Variants in PRRG4 observed in about 807,000 individuals in gnomAD.
PRRG4 encodes transmembrane gamma-carboxyglutamic acid protein 4.
Under a neutral mutation model 20.0 loss-of-function variants are expected in PRRG4, and 12 were observed. The ratio of observed to expected loss-of-function variants is 0.60; its 90% CI spans 0.38 to 0.97. The LOEUF (loss-of-function observed/expected upper bound fraction) is 0.97. PRRG4 is among the 50% of genes least tolerant of loss of function. The pLI, the probability that PRRG4 is intolerant of heterozygous loss-of-function variation, is 0.00. For missense variants in PRRG4, 199 were observed against 265.1 expected (o/e 0.75, Z 1.73); for synonymous variants, 94 against 96.4 (o/e 0.98, Z 0.15).
chr11:32,831,379 T>A (rs1217474098), intron 2 of PRRG4, among the ~76,000 whole-genome samples: 1 of 152,204 alleles, frequency 6.6e-6, no homozygotes, highest in African/African-American at 2.4e-5. Context: ...CTGTCTCTTA[T>A]CCCTTCTCAT....
At position 32,830,728 on chromosome 11, in the gene PRRG4, G is replaced by A. The variant is rs1000378397; in HGVS notation, c.103+96G>A. On this transcript the variant is annotated intron_variant, in intron 2 of 5. Coordinates refer to ENST00000257836, the MANE Select transcript of PRRG4 (RefSeq NM_024081.6). ...AAATTACATACCCCCAGCAATCATA[G>A]AAACACTAAAATATCCTTTAGTTTA... is the stretch of plus-strand genomic sequence containing the variant. 23 of 1,570,066 alleles carry A rather than the reference G, an allele frequency of 1.5e-5. No individual in the cohort carries two copies. The Middle Eastern group carries it at 5.4e-4, about 37-fold the overall frequency.
chr11:32,838,867 T>A lies in PRRG4; in HGVS notation c.268-15T>A. ...AAGATATTGAATAAACTTGGGAATT[T>A]TACCTTTTTTTTAGATTGCATTTTG... On this transcript the variant is annotated splice_polypyrimidine_tract_variant and intron_variant, in intron 3 of 5. Transcript: ENST00000257836. 6.3e-7 allele frequency: 1 copy of A among 1,597,078 alleles called. No homozygotes were observed. The highest frequency in any genetic ancestry group is 8.6e-7 in the Non-Finnish European group (1 of 1,164,730).
At chr11:32,833,168 C>T (rs1468015390) in intron 2 of PRRG4, among the ~76,000 whole-genome samples, 2 of 152,192 alleles carry the variant, frequency 1.3e-5, no homozygotes, top group Non-Finnish European at 1.5e-5. Context: ...AAAATTTGAT[C>T]TGGCACCAAA....
chr11:32,856,562 TTTTG>T lies in PRRG4; in HGVS notation c.*3041_*3044del, dbSNP rs1435515646. 1 of 152,258 alleles carries T rather than the reference TTTTG, an allele frequency of 6.6e-6. No individual in the cohort carries two copies. Among genetic ancestry groups the T allele is most frequent in the African/African-American group, 2.4e-5 (1 of 41,478 alleles). The allele number at this position is 152,258 out of a possible 1,614,324, so 9.4% of individuals were successfully genotyped here. On this transcript the variant is annotated 3_prime_UTR_variant, in exon 6 of 6. Transcript: ENST00000257836. ...GATTTAGTTTTGTTTGGTTTATCTGTTTTGTTTGTGTTTTGTCTCCTGGCAATTG... is the reference window on the plus strand; with the variant it reads ...GATTTAGTTTTGTTTGGTTTATCTGTTTTGTGTTTTGTCTCCTGGCAATTG...
intron 5 of PRRG4, among the ~76,000 whole-genome samples, chr11:32,852,040 A>G (rs1851187832): frequency 6.6e-6 from 1 of 152,214 alleles, no homozygotes. Flanking sequence ...CCCCAGGCCC[A>G]TGTTGCATTT....
At chr11:32,842,550 G>A (rs374055147) in intron 5 of PRRG4, among the ~76,000 whole-genome samples, 3 of 151,894 alleles carry the variant, frequency 2.0e-5, no homozygotes, top group African/African-American at 7.2e-5. Context: ...GAGAAACCCC[G>A]TCTCTACTAA....
intron 2 of PRRG4, among the ~76,000 whole-genome samples, chr11:32,835,704 A>T (rs932068280): frequency 6.6e-6 from 1 of 152,234 alleles, no homozygotes; most frequent in African/African-American, 2.4e-5. Flanking sequence ...TCTTTAGTTA[A>T]ATCTTATAAT....
At chr11:32,833,076 TCAATTAAAAG>T (rs1282806831) in intron 2 of PRRG4, among the ~76,000 whole-genome samples, 1 of 152,110 alleles carries the variant, frequency 6.6e-6, no homozygotes. Flanking sequence ...TTGCTTCCTT[TCAATTAAAAG>T]CAAGTTCAGG....
rs954993647 is a variant in PRRG4 at position 32,838,862 on chromosome 11, G to A, written c.268-20G>A. On this transcript the variant is annotated intron_variant, in intron 3 of 5. Transcript: ENST00000257836. ...TAATAAAGATATTGAATAAACTTGG[G>A]AATTTTACCTTTTTTTTAGATTGCA... 5 of 1,587,526 alleles carry A rather than the reference G, an allele frequency of 3.1e-6. No individual in the cohort carries two copies. The highest frequency in any genetic ancestry group is 3.5e-6 in the Non-Finnish European group (4 of 1,156,164).
chr11:32,841,858 A>G (rs1197333076), intron 5 of PRRG4, among the ~76,000 whole-genome samples: 1 of 152,186 alleles, frequency 6.6e-6, no homozygotes, highest in African/African-American at 2.4e-5. Flanking sequence ...GATAATAGTA[A>G]TGAACCAATG....
intron 3 of PRRG4, 141 bp downstream of exon 3, chr11:32,836,962 T>C: frequency 1.5e-6 from 1 of 646,178 alleles, no homozygotes; most frequent in Non-Finnish European, 2.6e-6. Context: ...CTTAAAATGG[T>C]AATTAACCTA....
At chr11:32,832,659 T>C (rs1850984716) in intron 2 of PRRG4, among the ~76,000 whole-genome samples, 1 of 152,008 alleles carries the variant, frequency 6.6e-6, no homozygotes, top group African/African-American at 2.4e-5. Flanking sequence ...TATTTTGTAT[T>C]TTTAGTAGAG....
At chr11:32,852,847 C>T (rs1851194959) in intron 5 of PRRG4, among the ~76,000 whole-genome samples, 1 of 149,992 alleles carries the variant, frequency 6.7e-6, no homozygotes, top group African/African-American at 2.5e-5. Flanking sequence ...GATCTCAGCT[C>T]ACTGCAACCT....
At chr11:32,849,058 A>G (rs1158515396) in intron 5 of PRRG4, among the ~76,000 whole-genome samples, 6 of 151,918 alleles carry the variant, frequency 3.9e-5, no homozygotes, top group African/African-American at 1.5e-4. Context: ...GAGGGTAGGT[A>G]AGTTCTCTAA....
At chr11:32,852,625 G>T (rs543760814) in intron 5 of PRRG4, among the ~76,000 whole-genome samples, 1 of 152,186 alleles carries the variant, frequency 6.6e-6, no homozygotes, top group East Asian at 1.9e-4. Context: ...ACCAGACACT[G>T]CTAGAAGCTT....
At chr11:32,841,053 C>T (rs1851072572) in intron 5 of PRRG4, among the ~76,000 whole-genome samples, 3 of 147,858 alleles carry the variant, frequency 2.0e-5, no homozygotes, top group South Asian at 4.3e-4. Flanking sequence ...GCTGAGTAGG[C>T]GTAGAAACAA....
At chr11:32,853,172 A>G in intron 5 of PRRG4, 124 bp from the exon 6 acceptor site, 1 of 689,772 alleles carries the variant, frequency 1.4e-6, no homozygotes, top group Middle Eastern at 3.0e-4. Context: ...GGGGTAAAAT[A>G]AAACTGTTAT....
rs1469319605 is a variant in PRRG4, at chr11:32,840,390, C to CA, written c.449+152dup. The CA allele has an allele frequency of 1.8e-6, 1 of 564,532 alleles. No homozygotes were observed. The highest frequency in any genetic ancestry group is 1.9e-5 in the African/African-American group (1 of 53,042). 35.0% of individuals were successfully genotyped at this position (564,532 alleles called of 1,614,324 possible). On this transcript the variant is annotated intron_variant, in intron 5 of 5. Transcript: ENST00000257836. This position sits in a 1 kb window ranked among gnomAD's most constrained non-coding sequence, Gnocchi z 4.1. Reference sequence around the variant, plus strand: ...TATAGGGAAGTTGCAAAGGTTAATACAGAGAGTTCCCACATATCCATCACC... The same window carrying CA: ...TATAGGGAAGTTGCAAAGGTTAATACAAGAGAGTTCCCACATATCCATCACC...
intron 2 of PRRG4, among the ~76,000 whole-genome samples, chr11:32,832,750 T>C (rs1186981859): frequency 6.6e-5 from 10 of 152,214 alleles, no homozygotes; most frequent in Admixed American, 6.5e-4. Flanking sequence ...CCCGAAGGGC[T>C]GGGATTACAG....
Sources: gnomAD v4.1 joint callset for allele counts (sites outside exome capture counted in the v4.1 genomes callset) on GRCh38, gnomAD v4.1.1 for gene constraint, Gnocchi (gnomAD v3.1) non-coding constraint, MANE v1.5 for transcripts, NCBI Gene and HGNC (gene_info 2026-07-23, HGNC 2026-07-21) for gene names.